Variants in KIF9 observed in about 807,000 individuals in gnomAD.
KIF9 encodes the protein kinesin-like protein KIF9.
A neutral mutation model predicts 94.8 loss-of-function variants in KIF9; 68 were observed. The ratio of observed to expected loss-of-function variants is 0.72; its 90% CI spans 0.59 to 0.88. KIF9 has a LOEUF of 0.88. KIF9 is among the 40% of genes least tolerant of loss of function. The pLI is 0.00. For missense variants in KIF9, 882 were observed against 982.5 expected (o/e 0.90, Z 1.37); for synonymous variants, 343 against 362.1 (o/e 0.95, Z 0.60).
Position 47,239,606 on chromosome 3 carries a change from C to A in KIF9, c.1924+1195G>T, listed in dbSNP as rs528547838. ...GTTTAATTGTTATTATATTTTTTTT[C>A]CAAGACAGTCTTCATCTGTCACCCA... On this transcript the variant is annotated intron_variant, in intron 17 of 20. Transcript: ENST00000684063. 7 of 1,048,788 alleles carry A rather than the reference C, an allele frequency of 6.7e-6. No homozygotes were observed. The African/African-American group carries it at 1.2e-4, about 17-fold the overall frequency. The allele number at this position is 1,048,788 out of a possible 1,614,324, so 65.0% of individuals were successfully genotyped here. A position where few individuals can be genotyped will look rare whatever the true frequency, so the allele number is the denominator to read the frequency against.
intron 8 of KIF9, among the ~76,000 whole-genome samples, chr3:47,265,489 G>C (rs1406868730): frequency 2.0e-5 from 3 of 152,190 alleles, no homozygotes; most frequent in Admixed American, 1.3e-4. Context: ...GAAAAGAGAA[G>C]GTATTCCTAG....
rs144401798 is a variant in KIF9 at position 47,277,306 on chromosome 3, C to T, written c.69G>A (p.Met23Ile). 1.9e-6 allele frequency: 3 copies of T among 1,613,832 alleles called. No individual in the cohort carries two copies. The African/African-American group carries it at 4.0e-5, about 22-fold the overall frequency. Reference protein sequence around the residue: ...VKPTDDFAHEMIRYGDDKRSI... With the variant: ...VKPTDDFAHEIIRYGDDKRSI... Reference sequence around the variant, plus strand: ...CTCTTTTGTCATCTCCGTATCTGATCATTTCATGAGCAAAGTCATCGGTGG... The same window carrying T: ...CTCTTTTGTCATCTCCGTATCTGATTATTTCATGAGCAAAGTCATCGGTGG... The change falls in exon 2 of 21, where the codon ATG (methionine) becomes ATA (isoleucine). Residue 23 changes from methionine (M) to isoleucine (I), a missense_variant. By Grantham distance (10) the Met-to-Ile change is conservative (BLOSUM62 1). Transcript: ENST00000684063.
chr3:47,263,055 T>C (rs986451700), intron 9 of KIF9, among the ~76,000 whole-genome samples: 1 of 152,126 alleles, frequency 6.6e-6, no homozygotes, highest in East Asian at 1.9e-4. Flanking sequence ...TGCACCACCA[T>C]GCCTAGCTAA....
At position 47,244,243 on chromosome 3, in the gene KIF9, C is replaced by T. The variant is rs147606715; in HGVS notation, c.1514+548G>A. On this transcript the variant is annotated intron_variant, in intron 15 of 20. Transcript: ENST00000684063. ...GGGAAGGGAGCCCAGGCGTCAGCTC[C>T]AGAGCCTGTGCTCTTACCCACCACT... 1,032 of 152,988 alleles carry T rather than the reference C, an allele frequency of 6.7e-3. 14 individuals carry two copies. The highest frequency in any genetic ancestry group is 0.023 in the African/African-American group (972 of 41,594). 9.5% of individuals were successfully genotyped at this position (152,988 alleles called of 1,614,324 possible). A position where few individuals can be genotyped will look rare whatever the true frequency, so the allele number is the denominator to read the frequency against.
Position 47,264,336 on chromosome 3 carries a change from T to A in KIF9, c.931A>T (p.Met311Leu). The A allele has an allele frequency of 5.6e-6, 9 of 1,613,674 alleles. No homozygotes were observed. Among genetic ancestry groups the A allele is most frequent in the Non-Finnish European group, 6.8e-6 (8 of 1,179,594 alleles). The part of the protein sequence containing the change: ...LKDSLGGNCN[M>L]VLVTNIYGEA... ...CCATAGATGTTTGTCACGAGGACCA[T>A]ATTGCAGTTTCCCCCTGCGGAAAGC... Residue 311 changes from methionine (M) to leucine (L), a missense_variant, in exon 9 of 21, where the codon ATG (methionine) becomes TTG (leucine). Coordinates refer to ENST00000684063, the MANE Select transcript of KIF9 (RefSeq NM_182902.4).
chr3:47,245,805 G>A (rs2107225975), intron 13 of KIF9: 1 of 503,924 alleles, frequency 2.0e-6, no homozygotes, highest in Non-Finnish European at 3.6e-6. Context: ...GTGGGGTTCT[G>A]TCTTAGGTTC....
intron 1 of KIF9, among the ~76,000 whole-genome samples, chr3:47,279,937 G>C (rs997341501): frequency 8.5e-5 from 13 of 152,060 alleles, no homozygotes; most frequent in Non-Finnish European, 1.3e-4. Flanking sequence ...AGTTATTCCA[G>C]ATTTTATTTA....
chr3:47,234,092 C>A (rs996510233), intron 20 of KIF9, among the ~76,000 whole-genome samples: 29 of 150,400 alleles, frequency 1.9e-4, no homozygotes, highest in Non-Finnish European at 2.5e-4. Flanking sequence ...CCACCCCCCC[C>A]AAAAAAAAGA....
chr3:47,276,407 T>C (rs1701968738), intron 2 of KIF9, among the ~76,000 whole-genome samples: 1 of 151,594 alleles, frequency 6.6e-6, no homozygotes, highest in Non-Finnish European at 1.5e-5. Context: ...AATACAAAAA[T>C]TAGCCAGGCA....
At chr3:47,241,046 T>C (rs1002195487) in intron 16 of KIF9, 31 bp from the exon 17 acceptor site, 1 of 1,594,132 alleles carries the variant, frequency 6.3e-7, no homozygotes. Flanking sequence ...CCAAAGAGGA[T>C]AAATGAGGTG....
chr3:47,239,866 A>G, intron 17 of KIF9: 1 of 1,367,928 alleles, frequency 7.3e-7, no homozygotes, highest in Non-Finnish European at 9.8e-7. Flanking sequence ...GGCCTGGAAC[A>G]GGGTTGTGAT....
intron 17 of KIF9, among the ~76,000 whole-genome samples, chr3:47,238,000 A>C (rs577875586): frequency 6.6e-6 from 1 of 152,364 alleles, no homozygotes; most frequent in Admixed American, 6.5e-5. Context: ...AACTGTGAAC[A>C]TCTTTTGTTC....
intron 3 of KIF9, among the ~76,000 whole-genome samples, chr3:47,274,064 G>T (rs895918390): frequency 4.6e-5 from 7 of 152,216 alleles, no homozygotes; most frequent in Non-Finnish European, 1.0e-4. Flanking sequence ...AGGGTTGGCA[G>T]GAGGCATCAA....
chr3:47,279,793 A>G (rs1576104083), intron 1 of KIF9, among the ~76,000 whole-genome samples: 1 of 151,602 alleles, frequency 6.6e-6, no homozygotes, highest in East Asian at 2.0e-4. Flanking sequence ...ATTTTTCTGT[A>G]TTTTTAGTAG....
In KIF9 at chr3:47,240,783, T is replaced by G; in HGVS notation, c.1924+18A>C. 1 of 1,607,322 alleles carries G rather than the reference T, an allele frequency of 6.2e-7. No homozygotes were observed. Among genetic ancestry groups the G allele is most frequent in the Admixed American group, 1.7e-5 (1 of 59,998 alleles). On this transcript the variant is annotated intron_variant, in intron 17 of 20. Transcript: ENST00000684063. ...CTGAGACCCCAAAGCTCCCTAGCCC[T>G]CTTTCCAACACATTTACCTTGCTTC...
At chr3:47,269,077 C>A (rs1701470988) in intron 5 of KIF9, among the ~76,000 whole-genome samples, 1 of 152,006 alleles carries the variant, frequency 6.6e-6, no homozygotes, top group Non-Finnish European at 1.5e-5. Context: ...CCTGGCCTTG[C>A]CTTGTCTTTC....
At chr3:47,248,273 G>GT (rs1464255041) in intron 10 of KIF9, 187 bp from the exon 11 acceptor site, 17 of 597,752 alleles carry the variant, frequency 2.8e-5, no homozygotes, top group Non-Finnish European at 4.5e-5. Flanking sequence ...CCTAACTGGG[G>GT]TGAGTTTAGG....
intron 13 of KIF9, chr3:47,245,883 G>A: frequency 2.1e-6 from 1 of 479,468 alleles, no homozygotes; most frequent in East Asian, 3.6e-5. Flanking sequence ...AAGCTGCTCA[G>A]ACTATGGGTA....
intron 4 of KIF9, among the ~76,000 whole-genome samples, chr3:47,272,233 CAAGG>C (rs1212133029): frequency 6.6e-6 from 1 of 152,180 alleles, no homozygotes; most frequent in Admixed American, 6.5e-5. Context: ...CAGTGCTTAT[CAAGG>C]AAGGGATAAT....
Sources: allele counts gnomAD v4.1 joint callset (sites outside exome capture counted in the v4.1 genomes callset), GRCh38; gene constraint gnomAD v4.1.1; transcripts MANE v1.5; gene names NCBI Gene and HGNC (gene_info 2026-07-23, HGNC 2026-07-21).